MATN2: variants seen among roughly 807,000 people sequenced by gnomAD.
The protein encoded by MATN2 is matrilin 2, also known as matrilin-2.
MATN2 carries 69 observed loss-of-function variants against 103.2 expected under a neutral mutation model. The observed-to-expected ratio is 0.67, with a 90% CI of 0.55 to 0.82. The LOEUF (loss-of-function observed/expected upper bound fraction) is 0.82. Among genes scored for constraint, MATN2 ranks in the 40% least tolerant of loss-of-function variants. The pLI, the probability that MATN2 is intolerant of heterozygous loss-of-function variation, is 0.00. For synonymous variants in MATN2, 429 were observed against 450.2 expected, an observed-to-expected ratio of 0.95 and a Z score of 0.60; for missense variants, 1,023 against 1,211.5, an observed-to-expected ratio of 0.84 and a Z score of 2.31.
chr8:98,009,855 T>C (rs1263814991), intron 10 of MATN2, among the ~76,000 whole-genome samples: 1 of 152,072 alleles, frequency 6.6e-6, no homozygotes, highest in Non-Finnish European at 1.5e-5. Context: ...CAAGAAAGAC[T>C]CTATAGGCCT....
At position 98,030,621 on chromosome 8, in the gene MATN2, T is replaced by C; in HGVS notation, c.2509+7T>C. The C allele has an allele frequency of 6.2e-7, 1 of 1,610,438 alleles. No homozygotes were observed. The highest frequency in any genetic ancestry group is 8.5e-7 in the Non-Finnish European group (1 of 1,178,904). Reference sequence around the variant, plus strand: ...AAGAAAGGCATCTGTGAAGGTACTATAGCTTACGCCGAAGACCTTAGCAAA... The same window carrying C: ...AAGAAAGGCATCTGTGAAGGTACTACAGCTTACGCCGAAGACCTTAGCAAA... On this transcript the variant is annotated splice_region_variant and intron_variant, in intron 15 of 18. Transcript: ENST00000254898.
chr8:97,975,131 G>A (rs541456764), intron 5 of MATN2, among the ~76,000 whole-genome samples: 10 of 152,330 alleles, frequency 6.6e-5, no homozygotes, highest in East Asian at 5.8e-4. Flanking sequence ...AATGTGAGGC[G>A]TGTACAGGTG....
intron 2 of MATN2, among the ~76,000 whole-genome samples, chr8:97,907,469 AGCTG>A (rs1336086237): frequency 6.8e-6 from 1 of 147,132 alleles, no homozygotes; most frequent in Non-Finnish European, 1.5e-5. Context: ...CCGCCACCAC[AGCTG>A]GCTAATTTTT....
Position 98,007,329 on chromosome 8 carries a change from C to G in MATN2, c.1450+102C>G. Reference sequence around the variant, plus strand: ...GTTGTACTTGGGCACCCCTCCCCTGCCCCTTGCTCTGCTCCAGGAGATAGT... The same window carrying G: ...GTTGTACTTGGGCACCCCTCCCCTGGCCCTTGCTCTGCTCCAGGAGATAGT... On this transcript the variant is annotated intron_variant, in intron 9 of 18. Transcript: ENST00000254898. The surrounding 1 kb of genome is among the most constrained non-coding windows in gnomAD (Gnocchi z 4.2). 7 of 1,568,462 alleles carry G rather than the reference C, an allele frequency of 4.5e-6. No individual in the cohort carries two copies. The South Asian group carries it at 8.1e-5, about 18-fold the overall frequency.
At chr8:98,027,182 T>G (rs1479776720) in intron 13 of MATN2, among the ~76,000 whole-genome samples, 1 of 151,988 alleles carries the variant, frequency 6.6e-6, no homozygotes, top group East Asian at 1.9e-4. Flanking sequence ...TATCTGCCGT[T>G]TTGCTTGTGA....
intron 2 of MATN2, among the ~76,000 whole-genome samples, chr8:97,905,396 TC>T (rs1408145988): frequency 6.6e-6 from 1 of 152,016 alleles, no homozygotes; most frequent in Non-Finnish European, 1.5e-5. Context: ...ATTCTTCCCT[TC>T]CCCACCCCCC....
chr8:97,927,330 T>TA (rs1563671960), intron 2 of MATN2, among the ~76,000 whole-genome samples: 16 of 151,178 alleles, frequency 1.1e-4, no homozygotes, highest in African/African-American at 3.0e-4. Context: ...ATTATTATTT[T>TA]TTTTTTTTTA....
chr8:98,006,592 A>G (rs1038701130), intron 8 of MATN2, among the ~76,000 whole-genome samples: 2 of 152,196 alleles, frequency 1.3e-5, no homozygotes, highest in African/African-American at 4.8e-5. Flanking sequence ...CTACTCTATT[A>G]GCTGTGTGGC....
At chr8:97,943,797 C>T (rs549454288) in intron 4 of MATN2, among the ~76,000 whole-genome samples, 43 of 152,246 alleles carry the variant, frequency 2.8e-4, no homozygotes, top group Admixed American at 9.2e-4. Context: ...CTCCTTGTCT[C>T]ATGTCCCACT....
At chr8:97,988,152 CAAAAAAAAA>C (rs869146483) in intron 6 of MATN2, among the ~76,000 whole-genome samples, 1 of 65,888 alleles carries the variant, frequency 1.5e-5, no homozygotes, top group African/African-American at 8.1e-5. Context: ...CCATCTCCAC[CAAAAAAAAA>C]AAAAAAAAAA....
chr8:97,960,394 G>C (rs377474968), intron 4 of MATN2, among the ~76,000 whole-genome samples: 11 of 144,360 alleles, frequency 7.6e-5, no homozygotes, highest in African/African-American at 2.9e-4. Context: ...CTCCTTGCTG[G>C]GAAATAGTGT....
intron 6 of MATN2, among the ~76,000 whole-genome samples, chr8:97,983,491 G>T (rs1563707029): frequency 6.6e-6 from 1 of 152,146 alleles, no homozygotes; most frequent in Non-Finnish European, 1.5e-5. Flanking sequence ...GATATCCAGG[G>T]TCTTTTCACC....
At position 98,034,130 on chromosome 8, in the gene MATN2, T is replaced by A. The variant is rs549313885; in HGVS notation, c.2815+471T>A. The A allele has an allele frequency of 1.1e-3, 510 of 455,540 alleles. 3 individuals are homozygous for A. The highest frequency in any genetic ancestry group is 1.8e-3 in the Non-Finnish European group (406 of 226,870). 28.2% of individuals were successfully genotyped at this position (455,540 alleles called of 1,614,324 possible). A position where few individuals can be genotyped will look rare whatever the true frequency, so the allele number is the denominator to read the frequency against. On this transcript the variant is annotated intron_variant, in intron 18 of 18. Coordinates refer to ENST00000254898, the MANE Select transcript of MATN2 (RefSeq NM_002380.5). Reference sequence around the variant, plus strand: ...CACATATAGATTCAGTGTGTTTAGTTTCTGGAGGACAGGAGTGGTTTTTTC... The same window carrying A: ...CACATATAGATTCAGTGTGTTTAGTATCTGGAGGACAGGAGTGGTTTTTTC...
rs1869608 is a variant in MATN2, at chr8:97,978,995, A to G, written c.1068A>G (p.Lys356=). 295,702 of 1,609,332 alleles carry G rather than the reference A, an allele frequency of 0.18. 29,189 individuals carry two copies. Among genetic ancestry groups the G allele is most frequent in the Admixed American group, 0.31 (18,596 of 59,066 alleles). The change falls in exon 6 of 19, where the codon AAA becomes AAG. Residue 356 remains lysine (K), a synonymous_variant. Coordinates refer to ENST00000254898, the MANE Select transcript of MATN2 (RefSeq NM_002380.5). ...AAGGATTTGCTCTTAACCCAGATAA[A>G]AAAACGTGCACAAGTAAGTTACACA... The part of the protein sequence containing the change: ...CHEGFALNPD[K]KTCTKIDYCA...
intron 1 of MATN2, chr8:97,887,786 T>C (rs917620990): frequency 1.4e-5 from 3 of 210,856 alleles, no homozygotes; most frequent in African/African-American, 6.9e-5. Context: ...GATAATGAAC[T>C]TAACTGATAA....
At chr8:98,019,673 G>C (rs1009889973) in intron 12 of MATN2, among the ~76,000 whole-genome samples, 2 of 152,218 alleles carry the variant, frequency 1.3e-5, no homozygotes, top group Non-Finnish European at 2.9e-5. Flanking sequence ...GGCATTAGGA[G>C]AGTACAGAGC....
intron 2 of MATN2, among the ~76,000 whole-genome samples, chr8:97,900,643 T>C (rs182944454): frequency 5.9e-5 from 9 of 152,248 alleles, no homozygotes; most frequent in Non-Finnish European, 1.0e-4. Context: ...AATAAAGATA[T>C]ACTGAGAACC....
chr8:98,031,873 G>A (rs906240546), intron 15 of MATN2: 1 of 161,526 alleles, frequency 6.2e-6, no homozygotes, highest in Non-Finnish European at 1.3e-5. Flanking sequence ...TTTCTGAGTA[G>A]AGAATGTTTT....
At chr8:97,897,238 CTA>C in intron 2 of MATN2, among the ~76,000 whole-genome samples, 1 of 152,182 alleles carries the variant, frequency 6.6e-6, no homozygotes, top group Non-Finnish European at 1.5e-5. Flanking sequence ...GTAGAGAAAC[CTA>C]CAAGGTTGGG....
Sources: allele counts gnomAD v4.1 joint callset (sites outside exome capture counted in the v4.1 genomes callset), GRCh38; gene constraint gnomAD v4.1.1; non-coding constraint Gnocchi (gnomAD v3.1); transcripts MANE v1.5; gene names NCBI Gene and HGNC (gene_info 2026-07-23, HGNC 2026-07-21).